Variants in TFPI observed in about 807,000 individuals in gnomAD.
TFPI encodes anti-convertin.
In TFPI, 15 loss-of-function variants were observed where a neutral mutation model predicts 34.6. That is an observed-to-expected ratio of 0.43 (90% confidence interval 0.29 to 0.67). The LOEUF (loss-of-function observed/expected upper bound fraction) is 0.67. TFPI is among the 30% of genes least tolerant of loss of function. The pLI, the probability that TFPI is intolerant of heterozygous loss-of-function variation, is 0.15. For synonymous variants in TFPI, 105 were observed against 120.1 expected (o/e 0.87, Z 0.82); for missense variants, 301 against 364.0 (o/e 0.83, Z 1.41).
intron 1 of TFPI, among the ~76,000 whole-genome samples, chr2:187,536,385 C>G (rs938053291): frequency 6.6e-6 from 1 of 152,198 alleles, no homozygotes; most frequent in South Asian, 2.1e-4. Flanking sequence ...GCTTATCCCC[C>G]ACCATTAAGT....
At chr2:187,504,121 T>C (rs1302122100) in intron 1 of TFPI, among the ~76,000 whole-genome samples, 1 of 152,160 alleles carries the variant, frequency 6.6e-6, no homozygotes, top group Admixed American at 6.6e-5. Context: ...AATTTTACTT[T>C]CCACATCTTT....
chr2:187,543,434 A>G (rs1315877009), intron 1 of TFPI, among the ~76,000 whole-genome samples: 1 of 152,236 alleles, frequency 6.6e-6, no homozygotes, highest in African/African-American at 2.4e-5. Flanking sequence ...TTTAAGATCA[A>G]CCAAGTAAAA....
At chr2:187,471,178 T>C (rs565174724) in intron 6 of TFPI, among the ~76,000 whole-genome samples, 1 of 152,316 alleles carries the variant, frequency 6.6e-6, no homozygotes, top group South Asian at 2.1e-4. Context: ...AGAACATAAA[T>C]TTTACCTAAT....
rs1689199404 is a variant in TFPI at position 187,554,413 on chromosome 2, C to T, written c.-216G>A. 6.6e-6 allele frequency: 1 copy of T among 152,166 alleles called. No individual in the cohort carries two copies. The highest frequency in any genetic ancestry group is 2.4e-5 in the African/African-American group (1 of 41,428). 9.4% of individuals were successfully genotyped at this position (152,166 alleles called of 1,614,324 possible). ...AGCGAGGTAAGAATTTGACTATTATCCAGCCTAAAGTCGCTGCTGTCTGTT... is the reference window on the plus strand; with the variant it reads ...AGCGAGGTAAGAATTTGACTATTATTCAGCCTAAAGTCGCTGCTGTCTGTT... On this transcript the variant is annotated 5_prime_UTR_variant, in exon 1 of 8. Transcript: ENST00000233156.
intron 6 of TFPI, among the ~76,000 whole-genome samples, chr2:187,479,546 C>CATATATATATATAT (rs35837997): frequency 1.6e-5 from 1 of 63,314 alleles, no homozygotes; most frequent in Non-Finnish European, 3.1e-5. Flanking sequence ...ATATCACGTT[C>CATATATATATATAT]ATATATATAT....
chr2:187,468,125 G>C (rs1396275199), intron 6 of TFPI, among the ~76,000 whole-genome samples, 193 bp from the exon 7 acceptor site: 4 of 152,020 alleles, frequency 2.6e-5, no homozygotes, highest in Non-Finnish European at 4.4e-5. Context: ...CCAGTATATT[G>C]AGATCTTTCT....
rs1000345861 is a variant in TFPI, at chr2:187,532,905, C to T, written c.-3+21295G>A. On this transcript the variant is annotated intron_variant, in intron 1 of 7. Transcript: ENST00000233156. ...CCAGCTTTGTCAGGGGAGGGGCATC[C>T]GCCATTACAGAGGCTTGAGTAGCCG... is the stretch of plus-strand genomic sequence containing the variant. Among the ~76,000 whole-genome samples, 6 of 152,242 alleles carry T rather than the reference C, an allele frequency of 3.9e-5. No homozygotes were observed. In the East Asian group the frequency reaches 7.7e-4, roughly 20 times the overall value.
chr2:187,508,298 T>A (rs772592022), intron 1 of TFPI, among the ~76,000 whole-genome samples: 43 of 152,192 alleles, frequency 2.8e-4, no homozygotes, highest in Non-Finnish European at 5.7e-4. Context: ...ATATGGGCTG[T>A]TTTTTGGTTC....
In TFPI at chr2:187,464,248, T is replaced by C. The variant is rs1316078986; in HGVS notation, c.*2688A>G. The C allele has an allele frequency of 1.3e-5, 2 of 152,160 alleles. No homozygotes were observed. Among genetic ancestry groups the C allele is most frequent in the Admixed American group, 1.3e-4 (2 of 15,262 alleles). The allele number at this position is 152,160 out of a possible 1,614,324, so 9.4% of individuals were successfully genotyped here. A position where few individuals can be genotyped will look rare whatever the true frequency, so the allele number is the denominator to read the frequency against. On this transcript the variant is annotated 3_prime_UTR_variant, in exon 8 of 8. Transcript: ENST00000233156. ...AGCCAGGTTTCATTATTCAGAATAATATATTTTACTTCTTATAATGTAAAA... is the reference window on the plus strand; with the variant it reads ...AGCCAGGTTTCATTATTCAGAATAACATATTTTACTTCTTATAATGTAAAA...
At chr2:187,480,629 C>T (rs902975888) in intron 6 of TFPI, among the ~76,000 whole-genome samples, 1 of 151,990 alleles carries the variant, frequency 6.6e-6, no homozygotes, top group African/African-American at 2.4e-5. Context: ...AGCGTTTATG[C>T]GCAAAATTGC....
intron 2 of TFPI, among the ~76,000 whole-genome samples, chr2:187,498,443 C>T (rs1027848973): frequency 3.3e-5 from 5 of 151,596 alleles, no homozygotes; most frequent in Non-Finnish European, 7.4e-5. Flanking sequence ...CTTTTTGTAA[C>T]AAAATGATTG....
chr2:187,546,680 T>G (rs181572653), intron 1 of TFPI: 1 of 152,304 alleles, frequency 6.6e-6, no homozygotes, highest in Non-Finnish European at 1.5e-5. Flanking sequence ...TTGAGAAACC[T>G]GTGGCTACTT....
At chr2:187,475,429 A>G (rs1374668519) in intron 6 of TFPI, among the ~76,000 whole-genome samples, 4 of 152,220 alleles carry the variant, frequency 2.6e-5, no homozygotes, top group African/African-American at 4.8e-5. Flanking sequence ...AAAATGATCA[A>G]TAACAAAATG....
chr2:187,531,488 A>T (rs555318517), intron 1 of TFPI, among the ~76,000 whole-genome samples: 4 of 152,172 alleles, frequency 2.6e-5, no homozygotes, highest in African/African-American at 9.6e-5. Flanking sequence ...ATTCACAGAA[A>T]TTTTTCTGTT....
At chr2:187,522,827 A>C (rs960831990) in intron 1 of TFPI, among the ~76,000 whole-genome samples, 7 of 150,956 alleles carry the variant, frequency 4.6e-5, no homozygotes, top group African/African-American at 1.7e-4. Context: ...GGAGGTAGAG[A>C]TTGCAGTGAG....
At chr2:187,489,909 A>G (rs958536063) in intron 3 of TFPI, among the ~76,000 whole-genome samples, 1 of 151,514 alleles carries the variant, frequency 6.6e-6, no homozygotes, top group Non-Finnish European at 1.5e-5. Context: ...TTTACAGCAA[A>G]TTATCAAGTT....
intron 1 of TFPI, among the ~76,000 whole-genome samples, chr2:187,543,589 C>T (rs1305035833): frequency 6.6e-6 from 1 of 152,208 alleles, no homozygotes; most frequent in Non-Finnish European, 1.5e-5. Flanking sequence ...TTCTCTGCTA[C>T]ATTAGAGAGT....
At chr2:187,528,345 C>G (rs533961341) in intron 1 of TFPI, among the ~76,000 whole-genome samples, 4 of 152,082 alleles carry the variant, frequency 2.6e-5, no homozygotes, top group Non-Finnish European at 5.9e-5. Flanking sequence ...TAAAGAGATA[C>G]TTGAAAATCT....
intron 3 of TFPI, among the ~76,000 whole-genome samples, chr2:187,494,473 C>G (rs1685334949): frequency 6.6e-6 from 1 of 152,138 alleles, no homozygotes; most frequent in East Asian, 1.9e-4. Context: ...TTTACCTTCT[C>G]CCAGAGGTCA....
Sources: gnomAD v4.1 joint callset for allele counts (sites outside exome capture counted in the v4.1 genomes callset) on GRCh38, gnomAD v4.1.1 for gene constraint, MANE v1.5 for transcripts, NCBI Gene and HGNC (gene_info 2026-07-23, HGNC 2026-07-21) for gene names.